The following FOCAD variants were observed in gnomAD, a reference collection of about 807,000 sequenced individuals.
The protein encoded by FOCAD is KIAA1797.
A neutral mutation model predicts 225.6 loss-of-function variants in FOCAD; 198 were observed. The ratio of observed to expected loss-of-function variants is 0.88; its 90% CI spans 0.78 to 0.99. FOCAD has a LOEUF of 0.99. Among genes scored for constraint, FOCAD ranks in the 50% least tolerant of loss-of-function variants. The probability of loss-of-function intolerance (pLI) is 0.00; values close to 1 mark genes in which losing one functional copy is unlikely to be tolerated. For synonymous variants in FOCAD, 897 were observed against 755.0 expected (o/e 1.19, Z -3.08); for missense variants, 2,713 against 2,123.6 (o/e 1.28, Z -5.46).
At chr9:20,851,333 T>C (rs181623092) in intron 15 of FOCAD, among the ~76,000 whole-genome samples, 1 of 151,868 alleles carries the variant, frequency 6.6e-6, no homozygotes, top group East Asian at 1.9e-4. Flanking sequence ...TGTCCCTGTT[T>C]CTAAAACCAG....
At chr9:20,860,501 A>T (rs1828667931) in intron 15 of FOCAD, among the ~76,000 whole-genome samples, 1 of 151,878 alleles carries the variant, frequency 6.6e-6, no homozygotes, top group Admixed American at 6.6e-5. Flanking sequence ...TGTCCCTGTT[A>T]TGCACTGTTT....
chr9:20,767,481 C>A (rs1358469570), intron 7 of FOCAD, among the ~76,000 whole-genome samples: 1 of 151,056 alleles, frequency 6.6e-6, no homozygotes, highest in Non-Finnish European at 1.5e-5. Context: ...TCCTCTCCAG[C>A]ACCTGTTGTT....
At chr9:20,980,196 T>G (rs976525362) in intron 37 of FOCAD, among the ~76,000 whole-genome samples, 3 of 151,936 alleles carry the variant, frequency 2.0e-5, no homozygotes, top group African/African-American at 7.2e-5. Flanking sequence ...ATGAATTTTT[T>G]TATGTCTGTC....
chr9:20,978,603 A>T (rs1840414422), intron 37 of FOCAD, 149 bp downstream of exon 37: 1 of 483,748 alleles, frequency 2.1e-6, no homozygotes, highest in South Asian at 4.3e-5. Flanking sequence ...TGGCCTGCAT[A>T]TTGGAAAATT....
intron 19 of FOCAD, among the ~76,000 whole-genome samples, chr9:20,877,246 C>T (rs1830304306): frequency 6.6e-6 from 1 of 152,172 alleles, no homozygotes; most frequent in African/African-American, 2.4e-5. Flanking sequence ...CCCTGAAAGA[C>T]CAAATCCCGA....
At chr9:20,701,852 G>T (rs999858503) in intron 1 of FOCAD, among the ~76,000 whole-genome samples, 3 of 152,202 alleles carry the variant, frequency 2.0e-5, no homozygotes, top group African/African-American at 7.2e-5. Flanking sequence ...ATACAAAGCT[G>T]TTTGCATATG....
upstream of FOCAD, among the ~76,000 whole-genome samples, chr9:20,658,031 C>G (rs574604947): frequency 3.3e-3 from 476 of 144,220 alleles, 1 homozygote; most frequent in Non-Finnish European, 5.3e-3. Flanking sequence ...GTTGGAATAC[C>G]CTGCCATGTG....
chr9:20,789,694 C>T (rs899145857), intron 11 of FOCAD, 86 bp downstream of exon 11: 1 of 1,487,178 alleles, frequency 6.7e-7, no homozygotes, highest in Non-Finnish European at 9.1e-7. Context: ...GGATTATTTG[C>T]ATCAGAGTTT....
At chr9:20,921,785 A>G (rs1001937402) in intron 24 of FOCAD, among the ~76,000 whole-genome samples, 2 of 152,224 alleles carry the variant, frequency 1.3e-5, no homozygotes, top group Admixed American at 1.3e-4. Flanking sequence ...GAAGGATTTG[A>G]AATAAAATAG....
intron 10 of FOCAD, 123 bp from the exon 11 acceptor site, chr9:20,789,228 A>C: frequency 9.0e-7 from 1 of 1,110,324 alleles, no homozygotes; most frequent in Non-Finnish European, 1.3e-6. Context: ...GCAGTAATTC[A>C]ATTTGTATTC....
intron 26 of FOCAD, 172 bp from the exon 27 acceptor site, chr9:20,929,186 T>C: frequency 1.8e-6 from 1 of 556,798 alleles, no homozygotes; most frequent in East Asian, 2.9e-5. Flanking sequence ...TCATTAATAA[T>C]GAAAACATAA....
intron 1 of FOCAD, chr9:20,658,630 CT>C (rs1333200680): frequency 6.5e-6 from 1 of 153,688 alleles, no homozygotes; most frequent in African/African-American, 2.4e-5. Context: ...CCTCGCCCTG[CT>C]TCGGCTCGCG....
chr9:20,903,183 A>G (rs962574527), intron 21 of FOCAD, among the ~76,000 whole-genome samples: 1 of 151,916 alleles, frequency 6.6e-6, no homozygotes, highest in Admixed American at 6.6e-5. Flanking sequence ...CATGACCAAG[A>G]GGGCTGAACT....
chr9:20,660,896 G>C (rs1021844376), intron 2 of FOCAD, among the ~76,000 whole-genome samples: 12 of 152,150 alleles, frequency 7.9e-5, no homozygotes, highest in African/African-American at 2.9e-4. Flanking sequence ...GAAAGAGAGA[G>C]AGAGAGAGCA....
intron 15 of FOCAD, among the ~76,000 whole-genome samples, chr9:20,833,890 C>G (rs923176682): frequency 6.6e-6 from 1 of 152,040 alleles, no homozygotes; most frequent in Admixed American, 6.6e-5. Flanking sequence ...CTGGATATCT[C>G]ATATATTGTA....
rs185746053 is a variant in FOCAD, at chr9:20,790,107, G to A, written c.1455+499G>A. Among the ~76,000 whole-genome samples, 9 of 152,182 alleles carry A rather than the reference G, an allele frequency of 5.9e-5. No individual in the cohort carries two copies. The East Asian group carries it at 9.7e-4, about 16-fold the overall frequency. On this transcript the variant is annotated intron_variant, in intron 11 of 43. Transcript: ENST00000338382. ...ATTGACTCTTTGCTATATATGGTAC[G>A]GATCTGCATGCTAGGATATGAGGGT...
At chr9:20,797,156 G>A (rs888881500) in intron 11 of FOCAD, among the ~76,000 whole-genome samples, 6 of 152,088 alleles carry the variant, frequency 3.9e-5, no homozygotes, top group African/African-American at 4.8e-5. Context: ...TGAGGGCTCT[G>A]TTCTGTTCCA....
chr9:20,833,910 C>G (rs959000106), intron 15 of FOCAD, among the ~76,000 whole-genome samples: 20 of 152,022 alleles, frequency 1.3e-4, no homozygotes, highest in Admixed American at 1.1e-3. Flanking sequence ...AAATGTACAA[C>G]TACTGTGGAA....
chr9:20,986,426 A>G lies in FOCAD; in HGVS notation c.4867A>G (p.Ser1623Gly). The change falls in exon 40 of 44, where the codon AGC (serine) becomes GGC (glycine). Residue 1623 changes from serine to glycine, a missense_variant. Ser to Gly is a moderately conservative substitution (Grantham distance 56). Coordinates refer to ENST00000338382, the MANE Select transcript of FOCAD (RefSeq NM_001375567.1). ...GGTGTTGGCCTGGATGATTCTGCAC[A>G]GCTTATACCAGGCACGGATTGTGAG... ...KEVLAWMILH[S>G]LYQARIVSHA... 5.6e-6 allele frequency: 9 copies of G among 1,612,608 alleles called. No individual in the cohort carries two copies. The highest frequency in any genetic ancestry group is 7.6e-6 in the Non-Finnish European group (9 of 1,179,512).
Sources: allele counts gnomAD v4.1 joint callset (sites outside exome capture counted in the v4.1 genomes callset), GRCh38; gene constraint gnomAD v4.1.1; transcripts MANE v1.5; gene names NCBI Gene and HGNC (gene_info 2026-07-23, HGNC 2026-07-21).